The following UBE2E2 variants were observed in gnomAD, a reference collection of about 807,000 sequenced individuals.
The protein encoded by UBE2E2 is ubiquitin conjugating enzyme E2 E2.
In UBE2E2, 6 loss-of-function variants were observed where a neutral mutation model predicts 24.7. The observed-to-expected ratio is 0.24, with a 90% confidence interval of 0.13 to 0.48. The LOEUF is 0.48. Among genes scored for constraint, UBE2E2 ranks in the 20% least tolerant of loss-of-function variants. The pLI, the probability that UBE2E2 is intolerant of heterozygous loss-of-function variation, is 0.99. For synonymous variants in UBE2E2, 104 were observed against 83.6 expected, an observed-to-expected ratio of 1.24 and a Z score of -1.33; for missense variants, 169 against 245.0, an observed-to-expected ratio of 0.69 and a Z score of 2.07.
intron 5 of UBE2E2, among the ~76,000 whole-genome samples, chr3:23,555,445 C>T (rs1320662377): frequency 6.6e-6 from 1 of 152,012 alleles, no homozygotes; most frequent in Non-Finnish European, 1.5e-5. Flanking sequence ...TTGGTACAGC[C>T]CTGAGGGAAA....
intron 3 of UBE2E2, among the ~76,000 whole-genome samples, chr3:23,493,252 A>G (rs972882185): frequency 1.3e-5 from 2 of 152,242 alleles, no homozygotes; most frequent in Non-Finnish European, 2.9e-5. Flanking sequence ...CAGTATATCT[A>G]AAGCATCTTA....
intron 3 of UBE2E2, among the ~76,000 whole-genome samples, chr3:23,437,503 G>A (rs1373144449): frequency 6.6e-6 from 1 of 152,096 alleles, no homozygotes. Flanking sequence ...AGAATCTCTG[G>A]CATATAGTGA....
intron 3 of UBE2E2, among the ~76,000 whole-genome samples, chr3:23,291,608 G>C (rs1382292908): frequency 6.6e-6 from 1 of 151,482 alleles, no homozygotes; most frequent in Non-Finnish European, 1.5e-5. Flanking sequence ...CCAAATTCAT[G>C]GTATTGGGCA....
At chr3:23,231,965 G>T (rs558317884) in intron 3 of UBE2E2, among the ~76,000 whole-genome samples, 1 of 152,150 alleles carries the variant, frequency 6.6e-6, no homozygotes, top group African/African-American at 2.4e-5. Flanking sequence ...TCACCTTTAC[G>T]TCAGCCTCCA....
At chr3:23,533,103 A>C (rs1208554856) in intron 5 of UBE2E2, among the ~76,000 whole-genome samples, 2 of 152,234 alleles carry the variant, frequency 1.3e-5, no homozygotes, top group Non-Finnish European at 2.9e-5. Flanking sequence ...AGGCAGCACC[A>C]TGCAGACGTG....
chr3:23,571,435 G>C (rs1364837532), intron 5 of UBE2E2, among the ~76,000 whole-genome samples: 1 of 151,216 alleles, frequency 6.6e-6, no homozygotes, highest in Non-Finnish European at 1.5e-5. Flanking sequence ...GATTACAGGC[G>C]TGTGCCACCA....
intron 3 of UBE2E2, among the ~76,000 whole-genome samples, chr3:23,490,773 C>T (rs1360250444): frequency 6.6e-6 from 1 of 152,080 alleles, no homozygotes; most frequent in East Asian, 1.9e-4. Context: ...TCTTTTTCTT[C>T]TATTTCTTAC....
intron 3 of UBE2E2, among the ~76,000 whole-genome samples, chr3:23,279,964 C>CAG (rs1698452076): frequency 6.6e-6 from 1 of 152,212 alleles, no homozygotes; most frequent in African/African-American, 2.4e-5. Flanking sequence ...ACATTGTTGA[C>CAG]AGTTACCTTT....
At chr3:23,297,671 G>C (rs1445011517) in intron 3 of UBE2E2, among the ~76,000 whole-genome samples, 1 of 152,100 alleles carries the variant, frequency 6.6e-6, no homozygotes, top group Non-Finnish European at 1.5e-5. Context: ...CCAGTACCAT[G>C]CTGTTTTGGT....
At chr3:23,362,959 C>A (rs1696159778) in intron 3 of UBE2E2, among the ~76,000 whole-genome samples, 1 of 151,926 alleles carries the variant, frequency 6.6e-6, no homozygotes, top group East Asian at 1.9e-4. Flanking sequence ...TCAGCAAAAG[C>A]CCTACAAGTC....
chr3:23,553,964 T>C (rs1229237660), intron 5 of UBE2E2, among the ~76,000 whole-genome samples: 2 of 152,066 alleles, frequency 1.3e-5, no homozygotes, highest in Non-Finnish European at 2.9e-5. Flanking sequence ...AAAATGCCCA[T>C]ACTACCAAAA....
intron 3 of UBE2E2, among the ~76,000 whole-genome samples, chr3:23,449,529 C>T (rs2125415142): frequency 6.6e-6 from 1 of 152,318 alleles, no homozygotes; most frequent in East Asian, 1.9e-4. Flanking sequence ...CTTTTCACCA[C>T]TGTCTGTTAC....
chr3:23,255,060 C>G (rs71317823), intron 3 of UBE2E2, among the ~76,000 whole-genome samples: 10,428 of 144,772 alleles, frequency 0.072, 476 homozygotes, highest in Non-Finnish European at 0.091. Context: ...TTGCTGAGAT[C>G]AGTTTAAGGA....
At chr3:23,281,974 A>T (rs9877182) in intron 3 of UBE2E2, among the ~76,000 whole-genome samples, 10,129 of 152,224 alleles carry the variant, frequency 0.067, 1,055 homozygotes, top group African/African-American at 0.22. Context: ...CTAGTCCTCA[A>T]AATCATCCTA....
At chr3:23,406,591 T>C (rs1359865994) in intron 3 of UBE2E2, among the ~76,000 whole-genome samples, 1 of 152,146 alleles carries the variant, frequency 6.6e-6, no homozygotes, top group Admixed American at 6.5e-5. Context: ...AATGTAGTGA[T>C]TTATGGGTTC....
chr3:23,326,286 T>G (rs1455862078), intron 3 of UBE2E2, among the ~76,000 whole-genome samples: 2 of 152,140 alleles, frequency 1.3e-5, no homozygotes, highest in African/African-American at 4.8e-5. Context: ...GGCCAGGCTG[T>G]TCTCGAGCTA....
intron 2 of UBE2E2, among the ~76,000 whole-genome samples, chr3:23,209,751 T>C (rs2125316626): frequency 6.6e-6 from 1 of 152,286 alleles, no homozygotes; most frequent in African/African-American, 2.4e-5. Context: ...TTTGTTCTAG[T>C]AGACCTTGTT....
At chr3:23,340,782 AAGTC>A (rs1695361513) in intron 3 of UBE2E2, among the ~76,000 whole-genome samples, 1 of 152,140 alleles carries the variant, frequency 6.6e-6, no homozygotes, top group Admixed American at 6.5e-5. Context: ...GAAATACTGA[AAGTC>A]AGAAACATGT....
At chr3:23,526,350 T>G (rs985441112) in intron 4 of UBE2E2, among the ~76,000 whole-genome samples, 1 of 152,198 alleles carries the variant, frequency 6.6e-6, no homozygotes, top group Non-Finnish European at 1.5e-5. Flanking sequence ...CTCAGGATAT[T>G]CTCTAGTCTT....
Sources: allele counts gnomAD v4.1 joint callset (sites outside exome capture counted in the v4.1 genomes callset), GRCh38; gene constraint gnomAD v4.1.1; transcripts MANE v1.5; gene names NCBI Gene and HGNC (gene_info 2026-07-23, HGNC 2026-07-21).